The following SCAF11 variants were observed in gnomAD, a reference collection of about 807,000 sequenced individuals.
SCAF11 encodes the protein protein SCAF11.
SCAF11 carries 47 observed loss-of-function variants against 140.5 expected under a neutral mutation model. The ratio of observed to expected loss-of-function variants is 0.33; its 90% CI spans 0.26 to 0.43. The LOEUF is 0.43. SCAF11 is among the 20% of genes least tolerant of loss of function. The pLI, the probability that SCAF11 is intolerant of heterozygous loss-of-function variation, is 1.00. For missense variants in SCAF11, 1,645 were observed against 1,705.1 expected (o/e 0.96, Z 0.62); for synonymous variants, 557 against 579.4 (o/e 0.96, Z 0.55).
At chr12:45,951,543 T>C in intron 4 of SCAF11, 107 bp downstream of exon 4, 1 of 670,032 alleles carries the variant, frequency 1.5e-6, no homozygotes, top group Non-Finnish European at 2.5e-6. Context: ...AAATAACATA[T>C]TAAACCTTAA....
chr12:45,952,762 CA>C (rs1447185511), intron 3 of SCAF11, among the ~76,000 whole-genome samples: 2 of 151,946 alleles, frequency 1.3e-5, no homozygotes. Flanking sequence ...AAGAGCGTAC[CA>C]AAAGGTGATA....
At position 45,948,450 on chromosome 12, in the gene SCAF11, T is replaced by C. The variant is rs540287597; in HGVS notation, c.385A>G (p.Lys129Glu). The C allele has an allele frequency of 3.1e-6, 5 of 1,607,270 alleles. No homozygotes were observed. The highest frequency in any genetic ancestry group is 3.4e-5 in the Admixed American group (2 of 59,684). Reference sequence around the variant, plus strand: ...TTAATCACTAACCTTATACAGCTTTTAGAATTTTCATGACAGGAGACCTGT... The same window carrying C: ...TTAATCACTAACCTTATACAGCTTTCAGAATTTTCATGACAGGAGACCTGT... ...EKQVSCHENS[K>E]SCIRRKAIVR... The change falls in exon 5 of 15, where the codon AAA becomes GAA. Residue 129 changes from lysine to glutamate, a missense_variant. Around this residue, in one of 2 missense-constraint regions of SCAF11, gnomAD observed 1,582 missense variants for 1,609.2 expected, o/e 0.98. Transcript: ENST00000369367.
At chr12:45,933,449 T>C (rs879550307) in intron 8 of SCAF11, among the ~76,000 whole-genome samples, 2 of 152,170 alleles carry the variant, frequency 1.3e-5, no homozygotes, top group East Asian at 1.9e-4. Context: ...ATTTATATGA[T>C]TGTTAAAAAT....
chr12:45,964,076 AC>A (rs771255962), intron 2 of SCAF11, 30 bp downstream of exon 2: 3 of 1,195,490 alleles, frequency 2.5e-6, no homozygotes, highest in Non-Finnish European at 3.7e-6. Context: ...TTTGCTTTCA[AC>A]AAACAAACTT....
chr12:45,978,972 G>A (rs892102433), intron 1 of SCAF11, among the ~76,000 whole-genome samples: 2 of 151,872 alleles, frequency 1.3e-5, no homozygotes, highest in Non-Finnish European at 2.9e-5. Flanking sequence ...CAGTTGTGGA[G>A]GCTAAGAAGT....
intron 1 of SCAF11, among the ~76,000 whole-genome samples, chr12:45,984,565 T>G (rs1946420307): frequency 6.6e-6 from 1 of 152,242 alleles, no homozygotes; most frequent in South Asian, 2.1e-4. Flanking sequence ...TGGAAAAGTA[T>G]TTTGAGACTG....
chr12:45,943,864 CATT>C (rs1945362662), intron 6 of SCAF11, among the ~76,000 whole-genome samples: 1 of 152,100 alleles, frequency 6.6e-6, no homozygotes, highest in African/African-American at 2.4e-5. Context: ...TTTTTTTCCT[CATT>C]ATAATTTTAA....
chr12:45,979,917 A>G (rs1362353075), intron 1 of SCAF11, among the ~76,000 whole-genome samples: 1 of 152,166 alleles, frequency 6.6e-6, no homozygotes, highest in Non-Finnish European at 1.5e-5. Context: ...CCACATTAGC[A>G]TAAGGCATGA....
intron 3 of SCAF11, among the ~76,000 whole-genome samples, chr12:45,953,559 TA>T (rs1215537699): frequency 6.6e-6 from 1 of 152,098 alleles, no homozygotes; most frequent in Non-Finnish European, 1.5e-5. Context: ...CATAGATAAA[TA>T]AAATTAAAAG....
chr12:45,926,447 C>A lies in SCAF11; in HGVS notation c.3254G>T (p.Ser1085Ile). The A allele has an allele frequency of 6.2e-7, 1 of 1,614,226 alleles. No homozygotes were observed. The highest frequency in any genetic ancestry group is 8.5e-7 in the Non-Finnish European group (1 of 1,180,042). ...ATTCTGATCTTTATAGGCAAAACTA[C>A]TTCTGTAAGTGCCTCTGCCACGGTT... ...RGNRGRGTYR[S>I]SFAYKDQNEN... Residue 1085 changes from serine (S) to isoleucine (I), a missense_variant, in exon 11 of 15, where the codon AGT becomes ATT. Ser to Ile is a moderately radical substitution (Grantham distance 142). Around this residue, in one of 2 missense-constraint regions of SCAF11, gnomAD observed 1,582 missense variants for 1,609.2 expected, o/e 0.98. Coordinates refer to ENST00000369367, the MANE Select transcript of SCAF11 (RefSeq NM_004719.3).
rs1339666995 is a variant in SCAF11, at chr12:45,972,932, A to G, written c.-21-8744T>C. 1.1e-3 allele frequency among the ~76,000 whole-genome samples: 28 copies of G among 25,738 alleles called. 2 individuals carry two copies. The highest frequency in any genetic ancestry group is 2.4e-3 in the Non-Finnish European group (24 of 9,836). 16.9% of individuals were successfully genotyped at this position (25,738 alleles called of 152,430 possible). ...TAGATATATATATAGATATATAGATATATATAGATATATATATAGATATAT... is the reference window on the plus strand; with the variant it reads ...TAGATATATATATAGATATATAGATGTATATAGATATATATATAGATATAT... On this transcript the variant is annotated intron_variant, in intron 1 of 14. Transcript: ENST00000369367.
In SCAF11 at chr12:45,990,481, G is replaced by T. The variant is rs905811284; in HGVS notation, c.-150C>A. On this transcript the variant is annotated 5_prime_UTR_variant, in exon 1 of 15. Transcript: ENST00000369367. ...GCTTTGTGGTGTTACAGGGTCTCTA[G>T]GACACTGACTCCGCTGGCTCGGTCC... 9 of 1,231,800 alleles carry T rather than the reference G, an allele frequency of 7.3e-6. No individual in the cohort carries two copies. The East Asian group carries it at 2.2e-4, about 30-fold the overall frequency. 76.3% of individuals were successfully genotyped at this position (1,231,800 alleles called of 1,614,324 possible). A position where few individuals can be genotyped will look rare whatever the true frequency, so the allele number is the denominator to read the frequency against.
chr12:45,926,527 A>G lies in SCAF11; in HGVS notation c.3174T>C (p.Ser1058=). 2 of 1,613,094 alleles carry G rather than the reference A, an allele frequency of 1.2e-6. No individual in the cohort carries two copies. Among genetic ancestry groups the G allele is most frequent in the Non-Finnish European group, 1.7e-6 (2 of 1,179,818 alleles). ...EENRNENSGN[S]WNKNFGSGWV... ...AACCAGAACCAAAGTTTTTATTCCA[A>G]GAATTTCCTGAATTTTCATTTCTAT... The change falls in exon 11 of 15, where the codon TCT becomes TCC. Residue 1058 remains serine (S), a synonymous_variant. Coordinates refer to ENST00000369367, the MANE Select transcript of SCAF11 (RefSeq NM_004719.3).
At position 45,928,384 on chromosome 12, in the gene SCAF11, T is replaced by C; in HGVS notation, c.1317A>G (p.Val439=). ...TCAAGCAATTAGCAGACTGGTTTTCTACATGAGTCTGCACAGTACAAATGT... is the reference window on the plus strand; with the variant it reads ...TCAAGCAATTAGCAGACTGGTTTTCCACATGAGTCTGCACAGTACAAATGT... ...SSNICTVQTH[V]ENQSANCLKS... The change falls in exon 11 of 15, where the codon GTA becomes GTG. Residue 439 remains valine, a synonymous_variant. Coordinates refer to ENST00000369367, the MANE Select transcript of SCAF11 (RefSeq NM_004719.3). The C allele has an allele frequency of 1.2e-6, 2 of 1,614,180 alleles. No individual in the cohort carries two copies. Among genetic ancestry groups the C allele is most frequent in the Non-Finnish European group, 1.7e-6 (2 of 1,179,996 alleles).
At position 45,922,110 on chromosome 12, in the gene SCAF11, G is replaced by A. The variant is rs1944728642; in HGVS notation, c.4330C>T (p.Arg1444Trp). Residue 1444 changes from arginine (R) to tryptophan (W), a missense_variant, in exon 15 of 15, where the codon CGG (arginine) becomes TGG (tryptophan). Transcript: ENST00000369367. ...KAYVDKYKYS[R>W]KGSQKKTLEE... ...AGAGTTTTCTTTTGGCTCCCCTTCC[G>A]TGAATATTTGTATTTGTCTACATAG... The A allele has an allele frequency of 5.6e-6, 9 of 1,612,180 alleles. No individual in the cohort carries two copies. Among genetic ancestry groups the A allele is most frequent in the Non-Finnish European group, 6.8e-6 (8 of 1,179,238 alleles).
At chr12:45,990,994 T>C (rs1443542735), upstream of SCAF11, among the ~76,000 whole-genome samples, 2 of 152,248 alleles carry the variant, frequency 1.3e-5, no homozygotes, top group African/African-American at 4.8e-5. Flanking sequence ...AAAGAGGCTT[T>C]AAGGGAACTG....
chr12:45,984,228 T>C (rs1370882099), intron 1 of SCAF11, among the ~76,000 whole-genome samples: 2 of 152,232 alleles, frequency 1.3e-5, no homozygotes, highest in African/African-American at 4.8e-5. Flanking sequence ...TTCATGACCT[T>C]GTTTGTACTC....
At chr12:45,976,050 T>C (rs1016058363) in intron 1 of SCAF11, among the ~76,000 whole-genome samples, 10 of 152,162 alleles carry the variant, frequency 6.6e-5, no homozygotes, top group Non-Finnish European at 1.5e-4. Context: ...TTGTAAAATA[T>C]GCAGTATCTA....
intron 6 of SCAF11, among the ~76,000 whole-genome samples, chr12:45,939,523 C>T (rs933610564): frequency 2.6e-5 from 4 of 151,976 alleles, no homozygotes; most frequent in Admixed American, 6.6e-5. Flanking sequence ...TGGTGAAATT[C>T]CCCTGTCTCT....
Sources: allele counts gnomAD v4.1 joint callset (sites outside exome capture counted in the v4.1 genomes callset), GRCh38; gene constraint gnomAD v4.1.1; regional missense constraint gnomAD v4.1.1; transcripts MANE v1.5; gene names NCBI Gene and HGNC (gene_info 2026-07-23, HGNC 2026-07-21).